The following STARD13 variants were observed in gnomAD, a reference collection of about 807,000 sequenced individuals.
STARD13 encodes StAR related lipid transfer domain containing 13, also known as stAR-related lipid transfer protein 13.
STARD13 carries 62 observed loss-of-function variants against 106.4 expected under a neutral mutation model. The observed-to-expected ratio is 0.58, with a 90% CI of 0.48 to 0.72. The LOEUF is 0.72. STARD13 is among the 30% of genes least tolerant of loss of function. The pLI, the probability that STARD13 is intolerant of heterozygous loss-of-function variation, is 0.00. For synonymous variants in STARD13, 565 were observed against 553.0 expected (o/e 1.02, Z -0.31); for missense variants, 1,387 against 1,424.0 (o/e 0.97, Z 0.42).
the STARD13 span, among the ~76,000 whole-genome samples, chr13:33,480,369 G>A: frequency 6.6e-6 from 1 of 152,296 alleles, no homozygotes; most frequent in African/African-American, 2.4e-5. Context: ...AGCTAAATAT[G>A]TATCCACTTG....
At chr13:33,466,796 T>G in the STARD13 span, among the ~76,000 whole-genome samples, 1 of 152,182 alleles carries the variant, frequency 6.6e-6, no homozygotes, top group Non-Finnish European at 1.5e-5. Flanking sequence ...TATAAATTGC[T>G]TTCCAAGCAC....
At chr13:33,656,289 T>C in the STARD13 span, among the ~76,000 whole-genome samples, 1 of 151,920 alleles carries the variant, frequency 6.6e-6, no homozygotes, top group Admixed American at 6.6e-5. Flanking sequence ...GGAAAAGCGA[T>C]AGAAGGGAGG....
intron 1 of STARD13, among the ~76,000 whole-genome samples, chr13:33,242,559 C>G (rs111932078): frequency 7.2e-5 from 11 of 152,078 alleles, no homozygotes; most frequent in Admixed American, 3.3e-4. Flanking sequence ...CAGCATACTC[C>G]TTAAGAGTCA....
At position 33,338,283 on chromosome 13, in the gene STARD13, G is replaced by A. The variant is rs140360757; in HGVS notation, c.124+12007C>T. On this transcript the variant is annotated intron_variant, in intron 1 of 5. Coordinates refer to the STARD13 transcript ENST00000567873. Reference sequence around the variant, plus strand: ...GACATTAAGGTTCTTTTAGACTCACGGTCTAGTTTTACGGACTCATTGATC... The same window carrying A: ...GACATTAAGGTTCTTTTAGACTCACAGTCTAGTTTTACGGACTCATTGATC... Among the ~76,000 whole-genome samples, 291 of 152,202 alleles carry A rather than the reference G, an allele frequency of 1.9e-3. 3 individuals are homozygous for A. The highest frequency in any genetic ancestry group is 6.2e-3 in the African/African-American group (259 of 41,524).
the STARD13 span, among the ~76,000 whole-genome samples, chr13:33,425,612 A>G: frequency 1.3e-5 from 2 of 152,342 alleles, no homozygotes; most frequent in East Asian, 1.9e-4. Context: ...TGGACACTGA[A>G]GGTGTACCCT....
At position 33,324,640 on chromosome 13, in the gene STARD13, C is replaced by A. The variant is rs553717946; in HGVS notation, c.124+25650G>T. Among the ~76,000 whole-genome samples the A allele has an allele frequency of 5.2e-4, 79 of 152,112 alleles. 1 individual carries two copies. The South Asian group carries it at 0.015, about 30-fold the overall frequency. On this transcript the variant is annotated intron_variant, in intron 1 of 5. Transcript: ENST00000567873. ...TTTAGCGTTTCATGTCTTTTCTATC[C>A]CCCCAATGGACTTCATTGCTTTCTG...
At chr13:33,423,407 C>T in the STARD13 span, among the ~76,000 whole-genome samples, 1 of 152,174 alleles carries the variant, frequency 6.6e-6, no homozygotes, top group East Asian at 1.9e-4. Context: ...CCATCTCACA[C>T]CAGTTAGAAT....
intron 1 of STARD13, among the ~76,000 whole-genome samples, chr13:33,319,875 G>C (rs1893491360): frequency 6.6e-6 from 1 of 152,140 alleles, no homozygotes. Flanking sequence ...CTGTATTTTG[G>C]ATATAGATGA....
the STARD13 span, among the ~76,000 whole-genome samples, chr13:33,590,815 C>T: frequency 4.6e-5 from 7 of 152,010 alleles, no homozygotes; most frequent in Non-Finnish European, 1.5e-5. Flanking sequence ...TGTAACACAC[C>T]TGCACGTTGT....
chr13:33,215,122 G>A (rs535372596), intron 1 of STARD13, among the ~76,000 whole-genome samples: 96 of 126,030 alleles, frequency 7.6e-4, no homozygotes, highest in African/African-American at 2.4e-3. Context: ...GAGTACTTGG[G>A]GGGGGGGGTG....
chr13:33,621,588 A>G, the STARD13 span, among the ~76,000 whole-genome samples: 24,281 of 148,412 alleles, frequency 0.16, 4,220 homozygotes, highest in African/African-American at 0.44. Context: ...GCTGAGGCAG[A>G]AGAATGGCGT....
chr13:33,439,491 G>A, the STARD13 span, among the ~76,000 whole-genome samples: 1 of 152,220 alleles, frequency 6.6e-6, no homozygotes, highest in African/African-American at 2.4e-5. Flanking sequence ...ATGGCTGCAT[G>A]AGGACCAGAG....
At chr13:33,627,965 C>CTT in the STARD13 span, among the ~76,000 whole-genome samples, 2,297 of 147,178 alleles carry the variant, frequency 0.016, 91 homozygotes, top group African/African-American at 0.057. Flanking sequence ...TCTTTTTTTT[C>CTT]TTTCTTTTTT....
chr13:33,648,461 C>T, the STARD13 span, among the ~76,000 whole-genome samples: 1 of 152,070 alleles, frequency 6.6e-6, no homozygotes, highest in Non-Finnish European at 1.5e-5. Flanking sequence ...TACTTTTTTT[C>T]GTGTTTGGAA....
chr13:33,394,983 C>G, the STARD13 span, among the ~76,000 whole-genome samples: 1 of 152,160 alleles, frequency 6.6e-6, no homozygotes, highest in Admixed American at 6.5e-5. Flanking sequence ...TTGTAACGGG[C>G]CTTGTGTTCT....
the STARD13 span, among the ~76,000 whole-genome samples, chr13:33,396,843 G>A: frequency 7.9e-5 from 12 of 152,284 alleles, no homozygotes; most frequent in East Asian, 1.9e-4. Flanking sequence ...GATCCCTGAG[G>A]GAATGGAAAT....
the STARD13 span, among the ~76,000 whole-genome samples, chr13:33,379,694 C>T: frequency 2.0e-5 from 3 of 152,216 alleles, no homozygotes; most frequent in Non-Finnish European, 4.4e-5. Context: ...TTCACATCCT[C>T]TTTTACAGAT....
At chr13:33,357,123 A>G in the STARD13 span, among the ~76,000 whole-genome samples, 1 of 152,230 alleles carries the variant, frequency 6.6e-6, no homozygotes, top group South Asian at 2.1e-4. Flanking sequence ...GCATAAAAAG[A>G]TATTTATTCA....
At chr13:33,549,715 A>AC in the STARD13 span, among the ~76,000 whole-genome samples, 114 of 152,266 alleles carry the variant, frequency 7.5e-4, 1 homozygote, top group South Asian at 0.022. Flanking sequence ...AACTTACATG[A>AC]CATCTGTTTC....
Sources: gnomAD v4.1 joint callset for allele counts (sites outside exome capture counted in the v4.1 genomes callset) on GRCh38, gnomAD v4.1.1 for gene constraint, MANE v1.5 for transcripts, NCBI Gene and HGNC (gene_info 2026-07-23, HGNC 2026-07-21) for gene names.